The following RUFY4 variants were observed in gnomAD, a reference collection of about 807,000 sequenced individuals.
The protein encoded by RUFY4 is RUN and FYVE domain containing 4.
A neutral mutation model predicts 69.0 loss-of-function variants in RUFY4; 73 were observed. The ratio of observed to expected loss-of-function variants is 1.06; its 90% CI spans 0.88 to 1.29. The LOEUF (loss-of-function observed/expected upper bound fraction) is 1.29, where lower values mean the gene tolerates loss of function less well. RUFY4 is among the 50% of genes most tolerant of loss of function. The pLI, the probability that RUFY4 is intolerant of heterozygous loss-of-function variation, is 0.00. For missense variants in RUFY4, 770 were observed against 705.6 expected, an observed-to-expected ratio of 1.09 and a Z score of -1.03; for synonymous variants, 287 against 271.8, an observed-to-expected ratio of 1.06 and a Z score of -0.55.
chr2:218,071,352 C>T (rs1386202845), intron 2 of RUFY4, among the ~76,000 whole-genome samples: 1 of 152,172 alleles, frequency 6.6e-6, no homozygotes, highest in Non-Finnish European at 1.5e-5. Flanking sequence ...TGCCACTCAT[C>T]TACTGCACTT....
chr2:218,054,996 G>A (rs1574497761), intron 2 of RUFY4, among the ~76,000 whole-genome samples: 1 of 152,098 alleles, frequency 6.6e-6, no homozygotes, highest in Non-Finnish European at 1.5e-5. Context: ...TATTATCAGG[G>A]TTAGATGAAG....
intron 2 of RUFY4, among the ~76,000 whole-genome samples, chr2:218,056,287 C>A (rs932358835): frequency 7.1e-6 from 1 of 141,762 alleles, no homozygotes; most frequent in Non-Finnish European, 1.5e-5. Flanking sequence ...CCTGTCTAAT[C>A]TTTGCAAAGC....
At chr2:218,060,725 A>T in intron 3 of RUFY4, 1 of 1,408,448 alleles carries the variant, frequency 7.1e-7, no homozygotes, top group Non-Finnish European at 1.0e-6. Flanking sequence ...TGCAGGGTGA[A>T]TCTGTAGCAG....
At chr2:218,038,496 A>G (rs1445413155) in intron 2 of RUFY4, among the ~76,000 whole-genome samples, 1 of 152,208 alleles carries the variant, frequency 6.6e-6, no homozygotes. Context: ...AAATTAAATT[A>G]ACAAAAGTGA....
chr2:218,044,927 A>G (rs1688792640), intron 2 of RUFY4, among the ~76,000 whole-genome samples: 1 of 152,160 alleles, frequency 6.6e-6, no homozygotes, highest in South Asian at 2.1e-4. Flanking sequence ...TTTATAATGG[A>G]AGGATTTCTA....
At chr2:218,080,322 G>A (rs12694427) in intron 8 of RUFY4, among the ~76,000 whole-genome samples, 61,363 of 152,020 alleles carry the variant, frequency 0.4, 12,760 homozygotes, top group Middle Eastern at 0.58. Context: ...TAGAAGTCCC[G>A]TGCAGAGCAC....
chr2:218,067,223 G>A (rs971017770), upstream of RUFY4, among the ~76,000 whole-genome samples: 5 of 152,248 alleles, frequency 3.3e-5, no homozygotes, highest in East Asian at 1.9e-4. Flanking sequence ...GCACCACCCC[G>A]CAGATGGCTG....
At chr2:218,047,567 A>G (rs1688856125) in intron 2 of RUFY4, among the ~76,000 whole-genome samples, 1 of 152,150 alleles carries the variant, frequency 6.6e-6, no homozygotes, top group South Asian at 2.1e-4. Context: ...TCACATACAT[A>G]TTTGTGTACA....
At chr2:218,072,967 A>G (rs917493737) in intron 4 of RUFY4, 82 bp downstream of exon 6, 1 of 1,148,538 alleles carries the variant, frequency 8.7e-7, no homozygotes, top group African/African-American at 1.6e-5. Flanking sequence ...TTTAACCCCC[A>G]CAGATGGCTT....
At chr2:218,070,610 C>G in exon 1 of RUFY4, 1 of 1,537,534 alleles carries the variant, frequency 6.5e-7, no homozygotes, top group Non-Finnish European at 8.7e-7. Flanking sequence ...GTACCCATGG[C>G]AGAAGAGGGA....
intron 9 of RUFY4, among the ~76,000 whole-genome samples, chr2:218,084,805 T>C (rs1446435978): frequency 5.3e-5 from 8 of 152,110 alleles, no homozygotes; most frequent in Admixed American, 5.2e-4. Flanking sequence ...CCCAGCACTT[T>C]AGGAAGGTGA....
At chr2:218,071,420 G>A (rs904042986) in intron 2 of RUFY4, among the ~76,000 whole-genome samples, 1 of 151,970 alleles carries the variant, frequency 6.6e-6, no homozygotes, top group Non-Finnish European at 1.5e-5. Flanking sequence ...CCTGCCTCGG[G>A]GCCTTTGCTC....
chr2:218,063,706 G>A (rs1305905230), intron 3 of RUFY4, among the ~76,000 whole-genome samples: 2 of 152,148 alleles, frequency 1.3e-5, no homozygotes, highest in Non-Finnish European at 2.9e-5. Context: ...TGAGTCATGG[G>A]TGTGAGCGAG....
intron 2 of RUFY4, among the ~76,000 whole-genome samples, chr2:218,055,012 A>G (rs896706701): frequency 4.6e-5 from 7 of 152,248 alleles, no homozygotes; most frequent in Non-Finnish European, 8.8e-5. Flanking sequence ...TGAAGTTATC[A>G]TATTTTAACC....
chr2:218,040,105 A>C (rs1041780911), intron 2 of RUFY4, among the ~76,000 whole-genome samples: 1 of 152,226 alleles, frequency 6.6e-6, no homozygotes, highest in African/African-American at 2.4e-5. Flanking sequence ...AGGAATAAAC[A>C]AATGGAAATA....
chr2:218,076,809 T>C (rs1689644904), intron 8 of RUFY4, among the ~76,000 whole-genome samples: 1 of 152,188 alleles, frequency 6.6e-6, no homozygotes, highest in African/African-American at 2.4e-5. Context: ...CCCTCACCCC[T>C]GCCTCCCTCT....
intron 2 of RUFY4, among the ~76,000 whole-genome samples, chr2:218,036,877 G>A (rs1559417969): frequency 6.6e-6 from 1 of 152,222 alleles, no homozygotes; most frequent in South Asian, 2.1e-4. Context: ...AGGCATGAAG[G>A]TTTTCCCTTG....
chr2:218,053,734 G>T (rs112940003), intron 2 of RUFY4, among the ~76,000 whole-genome samples: 8,867 of 151,530 alleles, frequency 0.059, 335 homozygotes, highest in Non-Finnish European at 0.089. Flanking sequence ...TCCTGACTTC[G>T]TGATCCGCCC....
intron 3 of RUFY4, among the ~76,000 whole-genome samples, chr2:218,061,787 T>C (rs142589107): frequency 1.8e-3 from 280 of 152,274 alleles, no homozygotes; most frequent in Non-Finnish European, 3.3e-3. Flanking sequence ...CCTTCAGCTG[T>C]CAAGGCTGGG....
Sources: gnomAD v4.1 joint callset for allele counts (sites outside exome capture counted in the v4.1 genomes callset) on GRCh38, gnomAD v4.1.1 for gene constraint, MANE v1.5 for transcripts, NCBI Gene and HGNC (gene_info 2026-07-23, HGNC 2026-07-21) for gene names.